PSD2: variants seen among roughly 807,000 people sequenced by gnomAD.
PSD2 encodes PH and SEC7 domain-containing protein 2.
PSD2 carries 38 observed loss-of-function variants against 69.8 expected under a neutral mutation model. The observed-to-expected ratio is 0.54, with a 90% CI of 0.42 to 0.71. The LOEUF is 0.71. Among genes scored for constraint, PSD2 ranks in the 30% least tolerant of loss-of-function variants. The probability of loss-of-function intolerance (pLI) is 0.00; values close to 1 mark genes in which losing one functional copy is unlikely to be tolerated. For synonymous variants in PSD2, 412 were observed against 423.0 expected (o/e 0.97, Z 0.32); for missense variants, 943 against 1,014.5 (o/e 0.93, Z 0.96).
the PSD2 span, among the ~76,000 whole-genome samples, chr5:139,787,704 T>A: frequency 6.6e-6 from 1 of 152,178 alleles, no homozygotes; most frequent in African/African-American, 2.4e-5. Flanking sequence ...CTGGGCGGCC[T>A]GTTGAATCTC....
the PSD2 span, among the ~76,000 whole-genome samples, chr5:139,770,021 G>A: frequency 3.3e-3 from 503 of 152,364 alleles, 2 homozygotes; most frequent in Non-Finnish European, 5.7e-3. Flanking sequence ...CAGAGAGGTA[G>A]AACCTGGGTG....
At chr5:139,778,972 A>G in the PSD2 span, among the ~76,000 whole-genome samples, 1 of 151,042 alleles carries the variant, frequency 6.6e-6, no homozygotes, top group Admixed American at 6.6e-5. Flanking sequence ...AGAAAGAAAA[A>G]ATTTGGTTAA....
the PSD2 span, among the ~76,000 whole-genome samples, chr5:139,783,608 T>C: frequency 6.6e-6 from 1 of 152,226 alleles, no homozygotes; most frequent in African/African-American, 2.4e-5. Flanking sequence ...CTGAAGTTTA[T>C]GAATTGTAGA....
chr5:139,790,391 C>G, the PSD2 span, among the ~76,000 whole-genome samples: 2 of 151,986 alleles, frequency 1.3e-5, no homozygotes, highest in South Asian at 2.1e-4. Flanking sequence ...AATCACACAC[C>G]GAGAAGCTTC....
intron 7 of PSD2, among the ~76,000 whole-genome samples, chr5:139,829,752 C>G (rs966082144): frequency 6.6e-6 from 1 of 152,074 alleles, no homozygotes; most frequent in African/African-American, 2.4e-5. Context: ...ATATTTGGGT[C>G]GTTTCCATCT....
At chr5:139,800,137 C>T (rs1364166063) in intron 1 of PSD2, among the ~76,000 whole-genome samples, 8 of 152,232 alleles carry the variant, frequency 5.3e-5, no homozygotes. Context: ...CTGTGGAAGC[C>T]AGGATAATCC....
At chr5:139,796,307 A>G (rs1319543497) in intron 1 of PSD2, among the ~76,000 whole-genome samples, 1 of 152,106 alleles carries the variant, frequency 6.6e-6, no homozygotes, top group African/African-American at 2.4e-5. Flanking sequence ...TCCGCCACCC[A>G]CTACCCTCTC....
At chr5:139,822,682 G>A in intron 6 of PSD2, 44 bp from the exon 7 acceptor site, 1 of 1,555,580 alleles carries the variant, frequency 6.4e-7, no homozygotes, top group Non-Finnish European at 8.8e-7. Flanking sequence ...GGAGTGGGAA[G>A]AGGTTGGATC....
At chr5:139,795,445 G>A (rs1325613337), upstream of PSD2, among the ~76,000 whole-genome samples, 6 of 152,154 alleles carry the variant, frequency 3.9e-5, no homozygotes, top group Non-Finnish European at 8.8e-5. The surrounding 1 kb of genome is among the most constrained non-coding windows in gnomAD (Gnocchi z 4.5). Flanking sequence ...CGGGTCCCGA[G>A]AGCTCAGGTT....
chr5:139,768,395 C>T, the PSD2 span, among the ~76,000 whole-genome samples: 1 of 152,142 alleles, frequency 6.6e-6, no homozygotes, highest in African/African-American at 2.4e-5. Context: ...CCACTCACTG[C>T]CCTCTGTTTC....
At position 139,826,757 on chromosome 5, in the gene PSD2, A is replaced by C. The variant is rs374141020; in HGVS notation, c.1269+3973A>C. ...TCCAGGGTGGATTTGAATCAGCCTT[A>C]CCTCCAGTTAAGAGGTGATCTAATT... is the stretch of plus-strand genomic sequence containing the variant. On this transcript the variant is annotated intron_variant, in intron 7 of 14. Transcript: ENST00000274710. Among the ~76,000 whole-genome samples, 15 of 152,282 alleles carry C rather than the reference A, an allele frequency of 9.9e-5. 1 individual carries two copies. Among genetic ancestry groups the C allele is most frequent in the African/African-American group, 2.6e-4 (11 of 41,566 alleles).
intron 7 of PSD2, among the ~76,000 whole-genome samples, chr5:139,827,722 C>T (rs542993519): frequency 9.2e-5 from 14 of 152,256 alleles, no homozygotes; most frequent in South Asian, 8.3e-4. Context: ...ATCTTCTTCA[C>T]GAGGTGGCAG....
intron 8 of PSD2, 93 bp from the exon 9 acceptor site, chr5:139,835,630 G>A (rs1034722398): frequency 7.7e-7 from 1 of 1,303,274 alleles, no homozygotes; most frequent in Non-Finnish European, 1.1e-6. Context: ...GGCTGAAAAG[G>A]TGCTCCCTCA....
Position 139,838,688 on chromosome 5 carries a change from T to C in PSD2, c.1884T>C (p.Ser628=). The change falls in exon 13 of 15, where the codon TCT becomes TCC. Residue 628 remains serine, a synonymous_variant. Transcript: ENST00000274710. ...TCAACCTGGTGGCAGCCATCTTCTC[T>C]GCCCCGGCCTTCCCAGCCGCTGTCA... ...LRINLVAAIF[S]APAFPAAVSS... is the part of the protein sequence containing the mutation. The C allele has an allele frequency of 6.2e-7, 1 of 1,614,038 alleles. No homozygotes were observed. The highest frequency in any genetic ancestry group is 8.5e-7 in the Non-Finnish European group (1 of 1,179,958).
At chr5:139,760,363 T>C in the PSD2 span, among the ~76,000 whole-genome samples, 1 of 152,202 alleles carries the variant, frequency 6.6e-6, no homozygotes, top group Non-Finnish European at 1.5e-5. Flanking sequence ...AAACTTGACC[T>C]GGTGCCAGAT....
At chr5:139,816,555 C>G (rs1001954195) in intron 4 of PSD2, among the ~76,000 whole-genome samples, 4 of 152,234 alleles carry the variant, frequency 2.6e-5, no homozygotes, top group African/African-American at 9.6e-5. Flanking sequence ...ACATGTTTCT[C>G]TATTTCCCAT....
At position 139,835,612 on chromosome 5, in the gene PSD2, G is replaced by T. The variant is rs572491941; in HGVS notation, c.1360-111G>T. ...TAAGTATGAATCAAACACCCACTTT[G>T]CCCCATTGGCTGAAAAGGTGCTCCC... On this transcript the variant is annotated intron_variant, in intron 8 of 14. Coordinates refer to ENST00000274710, the MANE Select transcript of PSD2 (RefSeq NM_032289.4). 53 of 1,047,078 alleles carry T rather than the reference G, an allele frequency of 5.1e-5. No homozygotes were observed. The East Asian group carries it at 1.0e-3, about 21-fold the overall frequency. The allele number at this position is 1,047,078 out of a possible 1,614,324, so 64.9% of individuals were successfully genotyped here. A position where few individuals can be genotyped will look rare whatever the true frequency, so the allele number is the denominator to read the frequency against.
chr5:139,812,425 G>A (rs904372614), intron 2 of PSD2, among the ~76,000 whole-genome samples: 10 of 152,188 alleles, frequency 6.6e-5, no homozygotes, highest in African/African-American at 9.7e-5. Context: ...CTTGGGAAGC[G>A]TGGTTGGGGC....
chr5:139,797,742 C>T (rs1426260399), intron 1 of PSD2, among the ~76,000 whole-genome samples: 2 of 152,144 alleles, frequency 1.3e-5, no homozygotes, highest in Non-Finnish European at 2.9e-5. Context: ...CCCTTATTCC[C>T]ATTTTGTGGT....
Sources: gnomAD v4.1 joint callset for allele counts (sites outside exome capture counted in the v4.1 genomes callset) on GRCh38, gnomAD v4.1.1 for gene constraint, Gnocchi (gnomAD v3.1) non-coding constraint, MANE v1.5 for transcripts, NCBI Gene and HGNC (gene_info 2026-07-23, HGNC 2026-07-21) for gene names.